E2F2: variants seen among roughly 807,000 people sequenced by gnomAD.
The protein encoded by E2F2 is transcription factor E2F2.
E2F2 carries 22 observed loss-of-function variants against 42.2 expected under a neutral mutation model. The ratio of observed to expected loss-of-function variants is 0.52; its 90% CI spans 0.37 to 0.74. The LOEUF (loss-of-function observed/expected upper bound fraction) is 0.74, where lower values mean the gene tolerates loss of function less well. Among genes scored for constraint, E2F2 ranks in the 30% least tolerant of loss-of-function variants. The pLI is 0.00. For synonymous variants in E2F2, 248 were observed against 251.6 expected, an observed-to-expected ratio of 0.99 and a Z score of 0.13; for missense variants, 481 against 557.8, an observed-to-expected ratio of 0.86 and a Z score of 1.39.
At chr1:23,525,780 G>A (rs1275553806) in intron 1 of E2F2, among the ~76,000 whole-genome samples, 1 of 152,032 alleles carries the variant, frequency 6.6e-6, no homozygotes, top group Non-Finnish European at 1.5e-5. Flanking sequence ...ATCTAATCTC[G>A]ACCTCTTCCT....
Position 23,509,777 on chromosome 1 carries a change from G to T in E2F2, c.*103C>A. ...AGGCGAGGAGACCCCATGCCCTGAG[G>T]GCAGCACCTAGTGTCCAATGTCCCT... On this transcript the variant is annotated 3_prime_UTR_variant, in exon 7 of 7. Transcript: ENST00000361729. The T allele has an allele frequency of 6.9e-7, 1 of 1,441,434 alleles. No individual in the cohort carries two copies. Among genetic ancestry groups the T allele is most frequent in the East Asian group, 2.6e-5 (1 of 38,982 alleles). The allele number at this position is 1,441,434 out of a possible 1,614,324, so 89.3% of individuals were successfully genotyped here.
In E2F2 at chr1:23,508,287, A is replaced by T. The variant is rs1469123358; in HGVS notation, c.*1593T>A. The T allele has an allele frequency of 2.6e-5, 4 of 152,280 alleles. No individual in the cohort carries two copies. Among genetic ancestry groups the T allele is most frequent in the Admixed American group, 2.0e-4 (3 of 15,278 alleles). The allele number at this position is 152,280 out of a possible 1,614,324, so 9.4% of individuals were successfully genotyped here. A position where few individuals can be genotyped will look rare whatever the true frequency, so the allele number is the denominator to read the frequency against. ...CTCAAACTTCAGACATCAGTCAGTC[A>T]GCTCAGGAGCCATCCAACAAAACCA... On this transcript the variant is annotated 3_prime_UTR_variant, in exon 7 of 7. Transcript: ENST00000361729.
Position 23,530,596 on chromosome 1 carries a change from A to G in E2F2, c.198T>C (p.Thr66=). Reference sequence around the variant, plus strand: ...CAACTTGGCCCTCGGGTCCGTGGGGAGTGGCGTCGAGGCAGGTGCCTGGCG... The same window carrying G: ...CAACTTGGCCCTCGGGTCCGTGGGGGGTGGCGTCGAGGCAGGTGCCTGGCG... The part of the protein sequence containing the change: ...AAAPGTCLDA[T]PHGPEGQVVR... Residue 66 remains threonine (T), a synonymous_variant, in exon 1 of 7, where the codon ACT becomes ACC. Coordinates refer to ENST00000361729, the MANE Select transcript of E2F2 (RefSeq NM_004091.4). The surrounding 1 kb of genome is among the most constrained non-coding windows in gnomAD (Gnocchi z 4.4). 6.2e-7 allele frequency: 1 copy of G among 1,612,938 alleles called. No homozygotes were observed. The highest frequency in any genetic ancestry group is 2.2e-5 in the East Asian group (1 of 44,838).
chr1:23,529,039 C>A (rs1182214724), intron 1 of E2F2, among the ~76,000 whole-genome samples: 2 of 152,056 alleles, frequency 1.3e-5, no homozygotes, highest in Non-Finnish European at 2.9e-5. Context: ...ATAGGGAGAC[C>A]CCTGTCTCTA....
chr1:23,517,051 A>T (rs1458398569), intron 5 of E2F2, among the ~76,000 whole-genome samples: 1 of 152,136 alleles, frequency 6.6e-6, no homozygotes, highest in Non-Finnish European at 1.5e-5. Context: ...GTCAGCACAG[A>T]GAAAAGCAGA....
At chr1:23,515,684 C>T (rs1446394049) in intron 6 of E2F2, among the ~76,000 whole-genome samples, 1 of 151,476 alleles carries the variant, frequency 6.6e-6, no homozygotes. Flanking sequence ...CAGCGCCTGG[C>T]CTATTTTTTA....
In E2F2 at chr1:23,531,121, G is replaced by T. The variant is rs936804161; in HGVS notation, c.-328C>A. 8 of 297,562 alleles carry T rather than the reference G, an allele frequency of 2.7e-5. No homozygotes were observed. The highest frequency in any genetic ancestry group is 5.0e-5 in the Non-Finnish European group (8 of 161,192). 18.4% of individuals were successfully genotyped at this position (297,562 alleles called of 1,614,324 possible). On this transcript the variant is annotated 5_prime_UTR_variant, in exon 1 of 7. Transcript: ENST00000361729. ...GGGGTCCGGCCGGCTCTGGGGAGGG[G>T]TCCCCGGCGTGCCCTCAAGCTCGGC...
At chr1:23,511,238 T>G (rs538367078) in intron 6 of E2F2, among the ~76,000 whole-genome samples, 94 of 151,750 alleles carry the variant, frequency 6.2e-4, no homozygotes, top group Middle Eastern at 3.4e-3. Flanking sequence ...TCTCGCCGCC[T>G]TCTTTTTTTT....
chr1:23,510,544 C>T (rs1642890318), intron 6 of E2F2, among the ~76,000 whole-genome samples: 2 of 152,080 alleles, frequency 1.3e-5, no homozygotes, highest in African/African-American at 4.8e-5. Flanking sequence ...AGGCTGGTCT[C>T]GAACTCCTGA....
intron 4 of E2F2, 177 bp from the exon 5 acceptor site, chr1:23,519,307 T>C: frequency 2.3e-6 from 1 of 426,474 alleles, no homozygotes; most frequent in Middle Eastern, 4.4e-4. Context: ...CTTAGATCCC[T>C]TTGGAAAGCA....
intron 1 of E2F2, among the ~76,000 whole-genome samples, chr1:23,526,883 C>T (rs1386891120): frequency 1.5e-5 from 2 of 129,982 alleles, no homozygotes; most frequent in African/African-American, 5.2e-5. Flanking sequence ...ACACACACAG[C>T]CTTCTCTCTT....
chr1:23,514,728 T>C (rs1642983522), intron 6 of E2F2, among the ~76,000 whole-genome samples: 1 of 150,386 alleles, frequency 6.6e-6, no homozygotes, highest in Admixed American at 6.6e-5. Flanking sequence ...TCCCAGCTAC[T>C]TGGGAGGCTG....
Position 23,524,440 on chromosome 1 carries a change from C to T in E2F2, c.301G>A (p.Glu101Lys). The change falls in exon 2 of 7, where the codon GAG (glutamate) becomes AAG (lysine). Residue 101 changes from glutamate (E) to lysine (K), a missense_variant. Transcript: ENST00000361729. ...LEGIGRPVVP[E>K]FPTPKGKCIR... ...CACTTCCCCTTGGGGGTTGGGAACT[C>T]AGGGACGACGGGCCTCCCAATCCCC... is the stretch of plus-strand genomic sequence containing the variant. The T allele has an allele frequency of 1.9e-6, 3 of 1,613,594 alleles. No homozygotes were observed. The highest frequency in any genetic ancestry group is 2.5e-6 in the Non-Finnish European group (3 of 1,179,742).
intron 3 of E2F2, 25 bp from the exon 4 acceptor site, chr1:23,521,096 G>A: frequency 5.7e-6 from 9 of 1,590,734 alleles, no homozygotes; most frequent in Non-Finnish European, 7.7e-6. Context: ...GCCCCCCAGT[G>A]TCAGTCTGTG....
chr1:23,521,119 G>C, intron 3 of E2F2, 48 bp from the exon 4 acceptor site: 1 of 1,535,116 alleles, frequency 6.5e-7, no homozygotes, highest in Non-Finnish European at 8.8e-7. Context: ...TGAAACTCCA[G>C]AACAAGGTCA....
chr1:23,528,422 G>A (rs1436346978), intron 1 of E2F2, among the ~76,000 whole-genome samples: 1 of 152,196 alleles, frequency 6.6e-6, no homozygotes, highest in Admixed American at 6.5e-5. Context: ...TAAGCAGAGG[G>A]CAGGCCTGCC....
At chr1:23,526,426 C>T (rs1643251403) in intron 1 of E2F2, among the ~76,000 whole-genome samples, 2 of 152,042 alleles carry the variant, frequency 1.3e-5, no homozygotes, top group African/African-American at 4.8e-5. Context: ...CATATATCCC[C>T]CAGCAGGAGC....
chr1:23,530,427 C>T lies in E2F2; in HGVS notation c.252+115G>A. On this transcript the variant is annotated intron_variant, in intron 1 of 6. Coordinates refer to ENST00000361729, the MANE Select transcript of E2F2 (RefSeq NM_004091.4). The surrounding 1 kb of genome is among the most constrained non-coding windows in gnomAD (Gnocchi z 4.4). ...TGGGTCCTGGAAACTGAAAGCTCAT[C>T]TTCCCTCTTCCCAAAACTCTACCTG... 1.4e-6 allele frequency: 2 copies of T among 1,404,186 alleles called. No individual in the cohort carries two copies. Among genetic ancestry groups the T allele is most frequent in the African/African-American group, 1.4e-5 (1 of 69,606 alleles). The allele number at this position is 1,404,186 out of a possible 1,614,324, so 87.0% of individuals were successfully genotyped here.
chr1:23,527,904 G>A (rs555477192), intron 1 of E2F2, among the ~76,000 whole-genome samples: 5 of 152,356 alleles, frequency 3.3e-5, no homozygotes, highest in African/African-American at 9.6e-5. Context: ...AGCACTTTGG[G>A]AGGCCAAGGC....
Sources: allele counts gnomAD v4.1 joint callset (sites outside exome capture counted in the v4.1 genomes callset), GRCh38; gene constraint gnomAD v4.1.1; non-coding constraint Gnocchi (gnomAD v3.1); transcripts MANE v1.5; gene names NCBI Gene and HGNC (gene_info 2026-07-23, HGNC 2026-07-21).